TLN2: variants seen among roughly 807,000 people sequenced by gnomAD.
TLN2 encodes talin-2.
TLN2 carries 118 observed loss-of-function variants against 294.7 expected under a neutral mutation model. The ratio of observed to expected loss-of-function variants is 0.40; its 90% confidence interval spans 0.34 to 0.47. The LOEUF is 0.47. TLN2 is among the 20% of genes least tolerant of loss of function. The pLI, the probability that TLN2 is intolerant of heterozygous loss-of-function variation, is 0.84. For missense variants in TLN2, 3,083 were observed against 3,282.2 expected (o/e 0.94, Z 1.48); for synonymous variants, 1,431 against 1,304.5 (o/e 1.10, Z -2.09).
At chr15:62,483,221 A>G (rs1322894476) in intron 1 of TLN2, among the ~76,000 whole-genome samples, 1 of 152,186 alleles carries the variant, frequency 6.6e-6, no homozygotes, top group African/African-American at 2.4e-5. Context: ...CTTCTCTGTC[A>G]TTCTGCAGGC....
intron 57 of TLN2, among the ~76,000 whole-genome samples, chr15:62,837,666 C>T (rs1353046901): frequency 6.6e-6 from 1 of 152,206 alleles, no homozygotes; most frequent in East Asian, 1.9e-4. Flanking sequence ...GCTGTATAAC[C>T]TGCTAGCTAC....
chr15:62,789,811 A>G (rs2064950583), intron 45 of TLN2, among the ~76,000 whole-genome samples: 1 of 152,222 alleles, frequency 6.6e-6, no homozygotes, highest in African/African-American at 2.4e-5. Context: ...AAACCCACGG[A>G]GAAGGTTCTG....
At chr15:62,530,214 A>G (rs767967965) in intron 1 of TLN2, among the ~76,000 whole-genome samples, 1 of 152,202 alleles carries the variant, frequency 6.6e-6, no homozygotes, top group Non-Finnish European at 1.5e-5. Flanking sequence ...ATATTTTGTT[A>G]TTCTTAATAT....
At chr15:62,549,488 C>G (rs1311857748) in intron 1 of TLN2, among the ~76,000 whole-genome samples, 4 of 145,732 alleles carry the variant, frequency 2.7e-5, no homozygotes, top group Non-Finnish European at 5.9e-5. Context: ...ATGCATCCAT[C>G]CATCCATCCA....
At chr15:62,583,040 A>G (rs2045280115) in intron 1 of TLN2, among the ~76,000 whole-genome samples, 2 of 152,218 alleles carry the variant, frequency 1.3e-5, no homozygotes, top group Admixed American at 1.3e-4. Flanking sequence ...AATTGTTTCA[A>G]ATTTTTCTAA....
intron 1 of TLN2, among the ~76,000 whole-genome samples, chr15:62,535,468 A>G (rs1055590331): frequency 1.4e-4 from 7 of 48,654 alleles, no homozygotes; most frequent in Admixed American, 1.3e-3. Context: ...GTCTGTGTGT[A>G]CACACACACA....
chr15:62,720,740 T>C (rs1216818153), intron 25 of TLN2, among the ~76,000 whole-genome samples: 1 of 151,840 alleles, frequency 6.6e-6, no homozygotes, highest in East Asian at 1.9e-4. Context: ...ATCTAACATA[T>C]TATGAGTGTT....
rs148976253 is a variant in TLN2, at chr15:62,579,324, G to A, written c.-237-10363G>A. On this transcript the variant is annotated intron_variant, in intron 1 of 58. Transcript: ENST00000636159. ...AGAGCAGCATAGAAAAATCACTTGG[G>A]AAAGATGAATTTTGAGGGTTACAAT... is the stretch of plus-strand genomic sequence containing the variant. Among the ~76,000 whole-genome samples the A allele has an allele frequency of 7.3e-4, 111 of 152,276 alleles. 1 individual carries two copies. Among genetic ancestry groups the A allele is most frequent in the Non-Finnish European group, 1.1e-3 (78 of 68,012 alleles).
chr15:62,477,618 T>G (rs1004309445), intron 1 of TLN2, among the ~76,000 whole-genome samples: 7 of 152,150 alleles, frequency 4.6e-5, no homozygotes, highest in African/African-American at 2.4e-5. Flanking sequence ...TCCTATGGGC[T>G]CTCTCTGTAG....
At chr15:62,520,688 A>G (rs1255599010) in intron 1 of TLN2, among the ~76,000 whole-genome samples, 3 of 152,214 alleles carry the variant, frequency 2.0e-5, no homozygotes, top group Non-Finnish European at 4.4e-5. Flanking sequence ...TGCTAAGCGG[A>G]AAAAGTAGCA....
chr15:62,827,487 A>G (rs960469868), intron 54 of TLN2, among the ~76,000 whole-genome samples: 2 of 152,176 alleles, frequency 1.3e-5, no homozygotes, highest in Non-Finnish European at 2.9e-5. Flanking sequence ...AGTAACTGAT[A>G]CCTGGAGAAA....
At chr15:62,539,879 C>T (rs995614746) in intron 1 of TLN2, among the ~76,000 whole-genome samples, 13 of 151,230 alleles carry the variant, frequency 8.6e-5, no homozygotes, top group African/African-American at 3.2e-4. Context: ...ACATCCAGGC[C>T]CCTTTTAGGC....
chr15:62,612,779 C>G (rs375984966), intron 2 of TLN2, among the ~76,000 whole-genome samples: 6 of 152,174 alleles, frequency 3.9e-5, no homozygotes, highest in African/African-American at 1.4e-4. Context: ...AACATCTATT[C>G]TGTCATTGCT....
intron 3 of TLN2, among the ~76,000 whole-genome samples, chr15:62,641,067 A>G (rs2051027834): frequency 6.6e-6 from 1 of 151,814 alleles, no homozygotes; most frequent in African/African-American, 2.4e-5. Context: ...CTCCCAAAGT[A>G]CTAGGATTAC....
chr15:62,600,146 G>A (rs1353037451), intron 2 of TLN2, among the ~76,000 whole-genome samples: 2 of 152,142 alleles, frequency 1.3e-5, no homozygotes, highest in East Asian at 3.9e-4. Context: ...AAACAACAGT[G>A]GGTTATACAG....
At chr15:62,715,354 G>A (rs1023188932) in intron 22 of TLN2, among the ~76,000 whole-genome samples, 4 of 152,198 alleles carry the variant, frequency 2.6e-5, no homozygotes, top group South Asian at 2.1e-4. Flanking sequence ...GCCTGAAAGC[G>A]TTCATAGGAA....
At chr15:62,397,555 C>T (rs2032651444) in intron 1 of TLN2, among the ~76,000 whole-genome samples, 1 of 152,302 alleles carries the variant, frequency 6.6e-6, no homozygotes, top group East Asian at 1.9e-4. Context: ...TGAGCCACCA[C>T]ACCCTGCTCT....
intron 1 of TLN2, among the ~76,000 whole-genome samples, chr15:62,439,567 C>T (rs973206396): frequency 6.6e-6 from 1 of 152,170 alleles, no homozygotes; most frequent in Non-Finnish European, 1.5e-5. Context: ...CCCGCCTTGG[C>T]CTCCCAAAGT....
At chr15:62,688,130 T>C (rs564095151) in intron 12 of TLN2, among the ~76,000 whole-genome samples, 115 of 152,316 alleles carry the variant, frequency 7.6e-4, no homozygotes, top group Middle Eastern at 3.4e-3. Flanking sequence ...CAAGTATTTA[T>C]TGAAAACAAA....
Sources: gnomAD v4.1 joint callset for allele counts (sites outside exome capture counted in the v4.1 genomes callset) on GRCh38, gnomAD v4.1.1 for gene constraint, MANE v1.5 for transcripts, NCBI Gene and HGNC (gene_info 2026-07-23, HGNC 2026-07-21) for gene names.